The following HAO2 variants were observed in gnomAD, a reference collection of about 807,000 sequenced individuals.
HAO2 encodes the protein 2-Hydroxyacid oxidase 2.
HAO2 carries 42 observed loss-of-function variants against 37.4 expected under a neutral mutation model. That is an observed-to-expected ratio of 1.12 (90% CI 0.88 to 1.45). HAO2 has a LOEUF of 1.45. Ranked by LOEUF, HAO2 falls within the 40% of genes most tolerant of loss-of-function variation. HAO2 has a pLI of 0.00. For missense variants in HAO2, 476 were observed against 430.2 expected, an observed-to-expected ratio of 1.11 and a Z score of -0.94; for synonymous variants, 180 against 162.8, an observed-to-expected ratio of 1.11 and a Z score of -0.81.
At position 119,368,830 on chromosome 1, in the gene HAO2, G is replaced by C. The variant is rs777398943; in HGVS notation, c.-81G>C. 1 of 152,108 alleles carries C rather than the reference G, an allele frequency of 6.6e-6. No individual in the cohort carries two copies. The highest frequency in any genetic ancestry group is 1.5e-5 in the Non-Finnish European group (1 of 68,052). The allele number at this position is 152,108 out of a possible 1,614,324, so 9.4% of individuals were successfully genotyped here. ...ATGTGGTGTGTTTCCTAACACCTCC[G>C]GCAGTGAGCCAGGCTTTGAGTGGCT... On this transcript the variant is annotated 5_prime_UTR_variant, in exon 1 of 8. Transcript: ENST00000325945.
At chr1:119,370,691 C>G (rs776249195) in intron 1 of HAO2, among the ~76,000 whole-genome samples, 1 of 152,220 alleles carries the variant, frequency 6.6e-6, no homozygotes, top group Non-Finnish European at 1.5e-5. Context: ...ACTCCACTGA[C>G]TCCCTCAGTC....
intron 1 of HAO2, chr1:119,380,699 G>A (rs771516707): frequency 6.2e-7 from 1 of 1,603,772 alleles, no homozygotes; most frequent in Non-Finnish European, 8.5e-7. Flanking sequence ...GCTGATGGAA[G>A]ACAAGATGTG....
intron 1 of HAO2, among the ~76,000 whole-genome samples, chr1:119,374,470 T>C (rs748387544): frequency 1.3e-5 from 2 of 152,230 alleles, no homozygotes; most frequent in Non-Finnish European, 2.9e-5. Flanking sequence ...TCTCTCAAAC[T>C]AGGCCCGTAA....
chr1:119,375,414 AGAT>A (rs1376600140), intron 1 of HAO2, among the ~76,000 whole-genome samples: 6 of 152,054 alleles, frequency 3.9e-5, no homozygotes, highest in African/African-American at 1.4e-4. Context: ...TAGACTACTA[AGAT>A]TTACATATAT....
At chr1:119,369,592 G>A (rs1234208578) in intron 1 of HAO2, among the ~76,000 whole-genome samples, 1 of 152,168 alleles carries the variant, frequency 6.6e-6, no homozygotes, top group East Asian at 1.9e-4. Context: ...ACTATATTCT[G>A]CATTTTACAA....
intron 2 of HAO2, among the ~76,000 whole-genome samples, chr1:119,381,756 G>C (rs960090837): frequency 6.6e-6 from 1 of 152,134 alleles, no homozygotes; most frequent in African/African-American, 2.4e-5. Context: ...ATTTTTGTAT[G>C]GTCCATGAGC....
At chr1:119,391,274 C>T (rs1650867642) in intron 5 of HAO2, among the ~76,000 whole-genome samples, 1 of 152,108 alleles carries the variant, frequency 6.6e-6, no homozygotes, top group Non-Finnish European at 1.5e-5. Flanking sequence ...CAGACAAAAA[C>T]CCTGAGGGTG....
chr1:119,375,504 A>AC (rs1204408134), intron 1 of HAO2, among the ~76,000 whole-genome samples: 13 of 152,318 alleles, frequency 8.5e-5, no homozygotes, highest in African/African-American at 3.1e-4. Flanking sequence ...ATTTATGAGA[A>AC]CCAACTATTG....
intron 5 of HAO2, among the ~76,000 whole-genome samples, chr1:119,388,595 G>A (rs952039485): frequency 1.3e-5 from 2 of 152,152 alleles, no homozygotes; most frequent in East Asian, 1.9e-4. Flanking sequence ...TGTGAGTCTC[G>A]TGAGGGTTTT....
chr1:119,383,144 T>C, intron 3 of HAO2, 78 bp downstream of exon 3: 1 of 1,034,862 alleles, frequency 9.7e-7, no homozygotes, highest in Admixed American at 2.2e-5. Flanking sequence ...TCCAAGATTC[T>C]CTCTAGAAGG....
At chr1:119,385,971 G>C (rs1375905817) in intron 4 of HAO2, 22 of 793,940 alleles carry the variant, frequency 2.8e-5, no homozygotes, top group Non-Finnish European at 3.4e-5. Flanking sequence ...ATATCACATT[G>C]ACCAATAAAT....
rs587614291 is a variant in HAO2 at position 119,393,478 on chromosome 1, G to T, written c.1001-307G>T. Among the ~76,000 whole-genome samples the T allele has an allele frequency of 5.3e-5, 8 of 152,150 alleles. No homozygotes were observed. The East Asian group carries it at 1.3e-3, about 26-fold the overall frequency. Reference sequence around the variant, plus strand: ...CTTCCTATATCCCTGAGCCTTATCAGAACCAAGATAAAGATCAAAGACATC... The same window carrying T: ...CTTCCTATATCCCTGAGCCTTATCATAACCAAGATAAAGATCAAAGACATC... On this transcript the variant is annotated intron_variant, in intron 7 of 7. Coordinates refer to ENST00000325945, the MANE Select transcript of HAO2 (RefSeq NM_016527.4).
chr1:119,375,102 G>C (rs1044495419), intron 1 of HAO2, among the ~76,000 whole-genome samples: 1 of 152,076 alleles, frequency 6.6e-6, no homozygotes, highest in Admixed American at 6.6e-5. Flanking sequence ...TTTCTCCTCT[G>C]TCTCTTCTTC....
rs749821293 is a variant in HAO2, at chr1:119,380,696, G to T, written c.-8-382G>T. ...TTAGGAAGATCCCAGGAAGCTGATG[G>T]AAGACAAGATGTGGAGTGAATGTGA... On this transcript the variant is annotated intron_variant, in intron 1 of 7. Transcript: ENST00000325945. The T allele has an allele frequency of 2.5e-6, 4 of 1,604,028 alleles. No individual in the cohort carries two copies. In the Admixed American group the frequency reaches 6.7e-5, roughly 27 times the overall value.
chr1:119,373,201 T>C (rs587601635), intron 1 of HAO2, among the ~76,000 whole-genome samples: 52 of 152,244 alleles, frequency 3.4e-4, no homozygotes, highest in Middle Eastern at 3.4e-3. Flanking sequence ...GGAGCTCCTT[T>C]TACTGGCATG....
In HAO2 at chr1:119,382,904, G is replaced by A. The variant is rs768666792; in HGVS notation, c.132-11G>A. ...CTCACCAACAGAAGATCTCTTTGTT[G>A]TCCGGCACAGAATTCGCCTCCGTCC... On this transcript the variant is annotated splice_polypyrimidine_tract_variant and intron_variant, in intron 2 of 7. Transcript: ENST00000325945. 1 of 1,612,512 alleles carries A rather than the reference G, an allele frequency of 6.2e-7. No homozygotes were observed. Among genetic ancestry groups the A allele is most frequent in the Non-Finnish European group, 8.5e-7 (1 of 1,178,978 alleles).
chr1:119,383,134 T>G (rs1484340934), intron 3 of HAO2, 68 bp downstream of exon 3: 1 of 1,146,986 alleles, frequency 8.7e-7, no homozygotes, highest in African/African-American at 1.5e-5. Flanking sequence ...TGGCAGAGGC[T>G]CCAAGATTCT....
chr1:119,377,241 T>C (rs1050968190), intron 1 of HAO2, among the ~76,000 whole-genome samples: 3 of 152,212 alleles, frequency 2.0e-5, no homozygotes, highest in Non-Finnish European at 4.4e-5. Context: ...ATCATCTTTC[T>C]CAAGTTCAAA....
chr1:119,377,875 T>A (rs1031370895), intron 1 of HAO2, among the ~76,000 whole-genome samples: 1 of 152,178 alleles, frequency 6.6e-6, no homozygotes, highest in African/African-American at 2.4e-5. Flanking sequence ...GAGACCAGCC[T>A]GGCCAACATG....
Sources: gnomAD v4.1 joint callset for allele counts (sites outside exome capture counted in the v4.1 genomes callset) on GRCh38, gnomAD v4.1.1 for gene constraint, MANE v1.5 for transcripts, NCBI Gene and HGNC (gene_info 2026-07-23, HGNC 2026-07-21) for gene names.